EYA4: variants seen among roughly 807,000 people sequenced by gnomAD.
EYA4 encodes protein phosphatase EYA4.
EYA4 carries 31 observed loss-of-function variants against 87.9 expected under a neutral mutation model. The observed-to-expected ratio is 0.35, with a 90% CI of 0.27 to 0.48. EYA4 has a LOEUF of 0.48. EYA4 is among the 20% of genes least tolerant of loss of function. The pLI, the probability that EYA4 is intolerant of heterozygous loss-of-function variation, is 0.99. For synonymous variants in EYA4, 263 were observed against 270.6 expected, an observed-to-expected ratio of 0.97 and a Z score of 0.28; for missense variants, 678 against 761.4, an observed-to-expected ratio of 0.89 and a Z score of 1.29.
chr6:133,274,271 A>G (rs1368974551), intron 1 of EYA4, among the ~76,000 whole-genome samples: 1 of 152,204 alleles, frequency 6.6e-6, no homozygotes, highest in Non-Finnish European at 1.5e-5. Context: ...AAGAATAATC[A>G]TCTGATAATT....
At chr6:133,256,501 G>A (rs974003853) in intron 1 of EYA4, among the ~76,000 whole-genome samples, 5 of 151,852 alleles carry the variant, frequency 3.3e-5, no homozygotes, top group Non-Finnish European at 7.4e-5. Flanking sequence ...CATATATTAC[G>A]ATAGCTTTTT....
intron 2 of EYA4, among the ~76,000 whole-genome samples, chr6:133,317,354 C>T (rs1400014573): frequency 2.0e-5 from 3 of 152,140 alleles, no homozygotes; most frequent in Non-Finnish European, 2.9e-5. Flanking sequence ...AATTTAGCTG[C>T]CAGGTAAGCA....
At position 133,301,103 on chromosome 6, in the gene EYA4, T is replaced by G. The variant is rs147063967; in HGVS notation, c.33+26290T>G. On this transcript the variant is annotated intron_variant, in intron 2 of 19. Coordinates refer to ENST00000355286, the MANE Select transcript of EYA4 (RefSeq NM_004100.5). Reference sequence around the variant, plus strand: ...ACTGGCATATCCATGTGAGTCACGCTGATGAACAGGATGTGTGTTTGTATT... The same window carrying G: ...ACTGGCATATCCATGTGAGTCACGCGGATGAACAGGATGTGTGTTTGTATT... Among the ~76,000 whole-genome samples, 6 of 152,300 alleles carry G rather than the reference T, an allele frequency of 3.9e-5. No individual in the cohort carries two copies. The South Asian group carries it at 1.0e-3, about 26-fold the overall frequency.
At chr6:133,402,989 G>C (rs914399591) in intron 3 of EYA4, among the ~76,000 whole-genome samples, 1 of 152,004 alleles carries the variant, frequency 6.6e-6, no homozygotes, top group Admixed American at 6.6e-5. Context: ...TCAGTGCCTC[G>C]GTTTTATCAT....
chr6:133,418,892 T>C (rs1356390444), intron 3 of EYA4, among the ~76,000 whole-genome samples: 1 of 152,154 alleles, frequency 6.6e-6, no homozygotes, highest in Non-Finnish European at 1.5e-5. Context: ...TAATAAAGAT[T>C]TACTTACATG....
intron 2 of EYA4, among the ~76,000 whole-genome samples, chr6:133,309,933 T>C (rs1469849103): frequency 2.0e-5 from 3 of 152,106 alleles, no homozygotes; most frequent in Non-Finnish European, 2.9e-5. Context: ...AAGAAAGATA[T>C]TTGGGAAGGA....
At chr6:133,462,187 A>T in intron 7 of EYA4, 148 bp from the exon 8 acceptor site, 1 of 957,258 alleles carries the variant, frequency 1.0e-6, no homozygotes. Flanking sequence ...CCTGACATTC[A>T]GACTGTTGCT....
intron 2 of EYA4, among the ~76,000 whole-genome samples, chr6:133,294,217 CA>C (rs1316723679): frequency 6.6e-6 from 1 of 150,604 alleles, no homozygotes; most frequent in Non-Finnish European, 1.5e-5. Flanking sequence ...AGGCTACTCA[CA>C]GGCTTATCCT....
rs116233942 is a variant in EYA4 at position 133,359,616 on chromosome 6, A to G, written c.34-22776A>G. On this transcript the variant is annotated intron_variant, in intron 2 of 19. Coordinates refer to ENST00000355286, the MANE Select transcript of EYA4 (RefSeq NM_004100.5). Reference sequence around the variant, plus strand: ...TGTGAGAGCCCATTGGATTGTTGTAATATTTGTTGTCTCAGTAGGACAGGC... The same window carrying G: ...TGTGAGAGCCCATTGGATTGTTGTAGTATTTGTTGTCTCAGTAGGACAGGC... Among the ~76,000 whole-genome samples, 411 of 152,308 alleles carry G rather than the reference A, an allele frequency of 2.7e-3. 1 individual carries two copies. The highest frequency in any genetic ancestry group is 9.5e-3 in the African/African-American group (395 of 41,564).
At chr6:133,473,829 A>C (rs571518851) in intron 11 of EYA4, among the ~76,000 whole-genome samples, 11 of 151,902 alleles carry the variant, frequency 7.2e-5, no homozygotes, top group Non-Finnish European at 1.6e-4. Context: ...CACAAAATTT[A>C]AGGTGGAACT....
At chr6:133,288,013 C>T (rs1389028657) in intron 2 of EYA4, among the ~76,000 whole-genome samples, 3 of 152,114 alleles carry the variant, frequency 2.0e-5, no homozygotes, top group African/African-American at 7.2e-5. Context: ...CCTGTAATCC[C>T]AGCTACTCGG....
chr6:133,456,707 C>T (rs929487872), intron 6 of EYA4, 59 bp downstream of exon 6: 12 of 1,008,040 alleles, frequency 1.2e-5, no homozygotes, highest in African/African-American at 3.2e-5. Context: ...ACATCCTCCT[C>T]CTCGGGAATA....
At chr6:133,523,863 A>G (rs564321189) in intron 18 of EYA4, among the ~76,000 whole-genome samples, 2 of 152,302 alleles carry the variant, frequency 1.3e-5, no homozygotes, top group Admixed American at 6.5e-5. Flanking sequence ...CTGTCAAGGA[A>G]ATACTTGGGA....
intron 2 of EYA4, among the ~76,000 whole-genome samples, chr6:133,340,555 G>A (rs1782705708): frequency 6.6e-6 from 1 of 152,192 alleles, no homozygotes; most frequent in African/African-American, 2.4e-5. Flanking sequence ...TCATAGACAT[G>A]AGAAAAGGAA....
In EYA4 at chr6:133,337,426, G is replaced by A. The variant is rs866311919; in HGVS notation, c.34-44966G>A. Reference sequence around the variant, plus strand: ...GAGGGATTTAATGCATGACTCGCTGGTTTTTTATTTGTATAAATGGAAGAA... The same window carrying A: ...GAGGGATTTAATGCATGACTCGCTGATTTTTTATTTGTATAAATGGAAGAA... On this transcript the variant is annotated intron_variant, in intron 2 of 19. Transcript: ENST00000355286. 5.1e-4 allele frequency among the ~76,000 whole-genome samples: 78 copies of A among 152,258 alleles called. 1 individual carries two copies. Among genetic ancestry groups the A allele is most frequent in the Middle Eastern group, 6.8e-3 (2 of 294 alleles).
rs191325008 is a variant in EYA4, at chr6:133,489,800, A to T, written c.1191+6685A>T. Reference sequence around the variant, plus strand: ...CTGAAAGAAAGGGATGTTAATGAGCAGTAAGAACTCATCTGAAGGTAAAAA... The same window carrying T: ...CTGAAAGAAAGGGATGTTAATGAGCTGTAAGAACTCATCTGAAGGTAAAAA... On this transcript the variant is annotated intron_variant, in intron 13 of 19. Coordinates refer to ENST00000355286, the MANE Select transcript of EYA4 (RefSeq NM_004100.5). 2.5e-3 allele frequency among the ~76,000 whole-genome samples: 377 copies of T among 152,324 alleles called. 1 individual carries two copies. Among genetic ancestry groups the T allele is most frequent in the African/African-American group, 8.5e-3 (353 of 41,578 alleles).
chr6:133,286,984 C>T (rs544270615), intron 2 of EYA4, among the ~76,000 whole-genome samples: 11 of 152,198 alleles, frequency 7.2e-5, no homozygotes, highest in African/African-American at 2.6e-4. Flanking sequence ...TAGCACCCCC[C>T]TTCCTTTGTT....
chr6:133,511,194 G>A (rs949649293), intron 14 of EYA4, among the ~76,000 whole-genome samples: 33 of 152,272 alleles, frequency 2.2e-4, no homozygotes, highest in Admixed American at 1.6e-3. Context: ...AACACTTTCT[G>A]TGTGGAAATC....
At chr6:133,410,910 G>T (rs1789166897) in intron 3 of EYA4, among the ~76,000 whole-genome samples, 1 of 152,040 alleles carries the variant, frequency 6.6e-6, no homozygotes, top group African/African-American at 2.4e-5. Context: ...CAGTACTGAA[G>T]TTGGAGCTTT....
Sources: allele counts gnomAD v4.1 joint callset (sites outside exome capture counted in the v4.1 genomes callset), GRCh38; gene constraint gnomAD v4.1.1; transcripts MANE v1.5; gene names NCBI Gene and HGNC (gene_info 2026-07-23, HGNC 2026-07-21).